The following PDLIM5 variants were observed in gnomAD, a reference collection of about 807,000 sequenced individuals.
The protein encoded by PDLIM5 is PDZ and LIM domain 5.
In PDLIM5, 34 loss-of-function variants were observed where a neutral mutation model predicts 64.2. The observed-to-expected ratio is 0.53, with a 90% CI of 0.40 to 0.71. The LOEUF (loss-of-function observed/expected upper bound fraction) is 0.71. Ranked by LOEUF, PDLIM5 falls within the 30% of genes least tolerant of loss-of-function variation. The pLI is 0.00. For missense variants in PDLIM5, 683 were observed against 733.6 expected, an observed-to-expected ratio of 0.93 and a Z score of 0.80; for synonymous variants, 253 against 269.1, an observed-to-expected ratio of 0.94 and a Z score of 0.59.
chr4:94,592,250 A>C (rs1349371556), intron 7 of PDLIM5, among the ~76,000 whole-genome samples: 1 of 152,226 alleles, frequency 6.6e-6, no homozygotes, highest in Non-Finnish European at 1.5e-5. Flanking sequence ...TACTGAGTAA[A>C]TGTAATGAAC....
At chr4:94,645,685 C>A (rs1741359061) in intron 9 of PDLIM5, among the ~76,000 whole-genome samples, 1 of 151,940 alleles carries the variant, frequency 6.6e-6, no homozygotes, top group African/African-American at 2.4e-5. Flanking sequence ...AGAACTATAC[C>A]CCAAAATTAA....
chr4:94,596,834 C>T (rs886268353), intron 7 of PDLIM5, among the ~76,000 whole-genome samples: 2 of 151,990 alleles, frequency 1.3e-5, no homozygotes, highest in South Asian at 2.1e-4. Flanking sequence ...TCCTTTTAGT[C>T]AAATTAAAGA....
intron 7 of PDLIM5, among the ~76,000 whole-genome samples, chr4:94,604,731 T>C (rs1167665234): frequency 6.6e-6 from 1 of 152,154 alleles, no homozygotes; most frequent in Non-Finnish European, 1.5e-5. Context: ...GTTCAATGGG[T>C]ATAGAGTTTC....
chr4:94,494,293 G>GCT (rs1727135628), intron 2 of PDLIM5, among the ~76,000 whole-genome samples: 1 of 151,738 alleles, frequency 6.6e-6, no homozygotes, highest in Non-Finnish European at 1.5e-5. Flanking sequence ...ATTTCTTCAT[G>GCT]CGCTTCTGCA....
At chr4:94,478,255 CA>C (rs1156675410) in intron 2 of PDLIM5, among the ~76,000 whole-genome samples, 2,780 of 74,474 alleles carry the variant, frequency 0.037, 52 homozygotes, top group Middle Eastern at 0.094. Context: ...GACTCCGTCT[CA>C]AAAAAAAAAA....
intron 1 of PDLIM5, among the ~76,000 whole-genome samples, chr4:94,454,707 G>GT (rs1723171438): frequency 6.6e-6 from 1 of 152,218 alleles, no homozygotes; most frequent in Admixed American, 6.5e-5. Flanking sequence ...GGAGAGAATA[G>GT]TTTTGTGCAT....
chr4:94,655,788 C>T (rs1316723450), intron 10 of PDLIM5, among the ~76,000 whole-genome samples: 1 of 152,184 alleles, frequency 6.6e-6, no homozygotes, highest in Non-Finnish European at 1.5e-5. Context: ...AAATCTCATA[C>T]TCATTGCCTT....
At chr4:94,519,663 G>A (rs1007078501) in intron 2 of PDLIM5, among the ~76,000 whole-genome samples, 2 of 152,110 alleles carry the variant, frequency 1.3e-5, no homozygotes, top group African/African-American at 4.8e-5. Context: ...CCGATTTACT[G>A]TTCATGCTTG....
intron 3 of PDLIM5, among the ~76,000 whole-genome samples, chr4:94,532,874 C>T (rs779993598): frequency 1.3e-5 from 2 of 152,144 alleles, no homozygotes; most frequent in East Asian, 1.9e-4. Context: ...TGCGGTGGTA[C>T]GCGTCTGTAT....
chr4:94,566,037 T>C lies in PDLIM5; in HGVS notation c.249-7314T>C, dbSNP rs542125163. 1.6e-4 allele frequency among the ~76,000 whole-genome samples: 25 copies of C among 152,292 alleles called. No individual in the cohort carries two copies. The South Asian group carries it at 4.2e-3, about 25-fold the overall frequency. On this transcript the variant is annotated intron_variant, in intron 3 of 12. Transcript: ENST00000317968. ...ATAGCTGTTTGTTAATAGAAAGTAG[T>C]TATTCATTGTTTGGAGCCATTACTC...
chr4:94,524,368 CAAAAA>C (rs34215993), intron 3 of PDLIM5, among the ~76,000 whole-genome samples: 1,868 of 77,216 alleles, frequency 0.024, 41 homozygotes, highest in African/African-American at 0.067. Flanking sequence ...GACCCTGTCT[CAAAAA>C]AAAAAAAAAA....
chr4:94,662,147 A>G (rs1578567765), intron 11 of PDLIM5, among the ~76,000 whole-genome samples: 1 of 152,154 alleles, frequency 6.6e-6, no homozygotes, highest in African/African-American at 2.4e-5. Flanking sequence ...TATTTAGGCA[A>G]TTAAGTAGTT....
chr4:94,526,199 G>A (rs1236175984), intron 3 of PDLIM5, among the ~76,000 whole-genome samples: 1 of 152,156 alleles, frequency 6.6e-6, no homozygotes, highest in African/African-American at 2.4e-5. Context: ...CCAGGAACCA[G>A]AATCTTATTT....
In PDLIM5 at chr4:94,549,029, G is replaced by A. The variant is rs190653079; in HGVS notation, c.249-24322G>A. Among the ~76,000 whole-genome samples, 315 of 152,122 alleles carry A rather than the reference G, an allele frequency of 2.1e-3. 1 individual carries two copies. The highest frequency in any genetic ancestry group is 7.2e-3 in the African/African-American group (301 of 41,542). On this transcript the variant is annotated intron_variant, in intron 3 of 12. Transcript: ENST00000317968. ...AGGTACTCAGGATCTACACGAGGTT[G>A]TTAATTCATGTTTTGCTTTAATTGG...
chr4:94,476,307 C>T (rs1456102151), intron 2 of PDLIM5, among the ~76,000 whole-genome samples: 1 of 151,944 alleles, frequency 6.6e-6, no homozygotes, highest in East Asian at 1.9e-4. Flanking sequence ...AAAAGTAAAG[C>T]CTAAAGAATT....
At chr4:94,646,754 T>C (rs1741445215) in intron 9 of PDLIM5, among the ~76,000 whole-genome samples, 1 of 152,188 alleles carries the variant, frequency 6.6e-6, no homozygotes, top group Admixed American at 6.5e-5. Context: ...AAAACTTCTA[T>C]GCAAGTTACC....
At chr4:94,535,898 A>G (rs570056683) in intron 3 of PDLIM5, among the ~76,000 whole-genome samples, 1 of 150,862 alleles carries the variant, frequency 6.6e-6, no homozygotes, top group South Asian at 2.1e-4. Context: ...CCACCACATT[A>G]AGATAATAAT....
chr4:94,640,561 C>A, intron 9 of PDLIM5, 111 bp downstream of exon 9: 1 of 666,920 alleles, frequency 1.5e-6, no homozygotes, highest in South Asian at 2.0e-5. Context: ...ATATTCTTGC[C>A]ATAATCCTAT....
rs553874634 is a variant in PDLIM5, at chr4:94,532,893, T to C, written c.248+9018T>C. ...GTGGTACGCGTCTGTATTCCAGCTA[T>C]TGGGGAGGGTGAGACAGGAGAATTA... On this transcript the variant is annotated intron_variant, in intron 3 of 12. Coordinates refer to ENST00000317968, the MANE Select transcript of PDLIM5 (RefSeq NM_006457.5). Among the ~76,000 whole-genome samples the C allele has an allele frequency of 7.2e-4, 110 of 152,126 alleles. 1 individual carries two copies. The Middle Eastern group carries it at 0.014, about 19-fold the overall frequency.
Sources: gnomAD v4.1 joint callset for allele counts (sites outside exome capture counted in the v4.1 genomes callset) on GRCh38, gnomAD v4.1.1 for gene constraint, MANE v1.5 for transcripts, NCBI Gene and HGNC (gene_info 2026-07-23, HGNC 2026-07-21) for gene names.